Variants in RFX3 observed in about 807,000 individuals in gnomAD.
RFX3 encodes the protein transcription factor RFX3.
RFX3 carries 14 observed loss-of-function variants against 98.6 expected under a neutral mutation model. The observed-to-expected ratio is 0.14, with a 90% CI of 0.09 to 0.22. The LOEUF (loss-of-function observed/expected upper bound fraction) is 0.22, where lower values mean the gene tolerates loss of function less well. Among genes scored for constraint, RFX3 ranks in the 10% least tolerant of loss-of-function variants. The pLI is 1.00. For missense variants in RFX3, 639 were observed against 926.9 expected, an observed-to-expected ratio of 0.69 and a Z score of 4.03; for synonymous variants, 383 against 328.4, an observed-to-expected ratio of 1.17 and a Z score of -1.80.
intron 1 of RFX3, among the ~76,000 whole-genome samples, chr9:3,487,968 G>C (rs1850412198): frequency 6.6e-6 from 1 of 152,042 alleles, no homozygotes; most frequent in Non-Finnish European, 1.5e-5. Context: ...ACACACAAAA[G>C]AGCTTTGTAA....
chr9:3,461,583 T>G (rs1587746550), intron 1 of RFX3, among the ~76,000 whole-genome samples: 2 of 151,994 alleles, frequency 1.3e-5, no homozygotes, highest in East Asian at 3.8e-4. Context: ...AAAAAGAATT[T>G]TTTTAATTTA....
intron 2 of RFX3, among the ~76,000 whole-genome samples, chr9:3,381,279 A>G (rs184206988): frequency 2.6e-5 from 4 of 152,202 alleles, no homozygotes; most frequent in Admixed American, 2.6e-4. Flanking sequence ...TAATTATGTT[A>G]TTAATGGTCG....
chr9:3,449,198 C>A (rs1846335329), intron 1 of RFX3, among the ~76,000 whole-genome samples: 1 of 152,186 alleles, frequency 6.6e-6, no homozygotes, highest in African/African-American at 2.4e-5. Flanking sequence ...ACCTAGCATA[C>A]TGTAGACACT....
At chr9:3,229,820 T>C (rs1188746173) in intron 15 of RFX3, among the ~76,000 whole-genome samples, 3 of 152,144 alleles carry the variant, frequency 2.0e-5, no homozygotes, top group Non-Finnish European at 4.4e-5. Flanking sequence ...TTATAAAGAG[T>C]TCCATGATAG....
At chr9:3,351,786 C>A (rs1465560512) in intron 2 of RFX3, among the ~76,000 whole-genome samples, 1 of 151,520 alleles carries the variant, frequency 6.6e-6, no homozygotes. Context: ...TAAAAATTAC[C>A]AAAGGGATTA....
intron 1 of RFX3, among the ~76,000 whole-genome samples, chr9:3,504,928 TATATATA>T (rs1337405773): frequency 1.5e-5 from 1 of 66,308 alleles, no homozygotes; most frequent in Non-Finnish European, 2.3e-5. Flanking sequence ...TAACATATAT[TATATATA>T]ATATATATAA....
intron 1 of RFX3, among the ~76,000 whole-genome samples, chr9:3,504,960 T>C (rs1339106853): frequency 1.3e-5 from 1 of 79,040 alleles, no homozygotes; most frequent in Non-Finnish European, 2.2e-5. Flanking sequence ...ATATATATTA[T>C]ATATAATATA....
chr9:3,249,809 G>C (rs960949089), intron 14 of RFX3, among the ~76,000 whole-genome samples: 1 of 151,974 alleles, frequency 6.6e-6, no homozygotes, highest in African/African-American at 2.4e-5. Context: ...GAAATCTTAA[G>C]AAAACTGCCA....
At chr9:3,465,822 A>C (rs954085451) in intron 1 of RFX3, among the ~76,000 whole-genome samples, 2 of 152,158 alleles carry the variant, frequency 1.3e-5, no homozygotes, top group Non-Finnish European at 2.9e-5. Flanking sequence ...TGAAAAAAAG[A>C]AAAAGCAAAA....
intron 4 of RFX3, among the ~76,000 whole-genome samples, chr9:3,317,295 C>T (rs1830728872): frequency 1.3e-5 from 2 of 152,166 alleles, no homozygotes. Context: ...ATAAATGGTG[C>T]TGGGAAAACT....
chr9:3,348,486 G>C (rs986978725), intron 2 of RFX3, among the ~76,000 whole-genome samples: 1 of 151,134 alleles, frequency 6.6e-6, no homozygotes, highest in African/African-American at 2.4e-5. Flanking sequence ...AAATAATAAA[G>C]GTTGTAAACT....
intron 16 of RFX3, among the ~76,000 whole-genome samples, chr9:3,227,706 G>A (rs139206425): frequency 2.6e-5 from 4 of 152,176 alleles, no homozygotes; most frequent in East Asian, 1.9e-4. Context: ...TGTGGGACAC[G>A]GATATCAATT....
intron 7 of RFX3, among the ~76,000 whole-genome samples, chr9:3,281,006 AC>A (rs1825854808): frequency 6.6e-6 from 1 of 151,848 alleles, no homozygotes; most frequent in South Asian, 2.1e-4. Flanking sequence ...GTTTAAGGTA[AC>A]ATGCTTGATT....
At position 3,228,159 on chromosome 9, in the gene RFX3, CA is replaced by C. The variant is rs541348609; in HGVS notation, c.2011+687del. Among the ~76,000 whole-genome samples the C allele has an allele frequency of 1.4e-3, 218 of 152,262 alleles. 2 individuals carry two copies. Among genetic ancestry groups the C allele is most frequent in the African/African-American group, 5.2e-3 (214 of 41,542 alleles). The stretch of plus-strand genomic sequence containing the variant: ...TTAAAAATTGCACTGGTATATTTAT[CA>C]GTATTGTTTTGCTTCTGCTCTGCTT... On this transcript the variant is annotated intron_variant, in intron 16 of 16. Coordinates refer to ENST00000617270, the MANE Select transcript of RFX3 (RefSeq NM_001282116.2).
chr9:3,266,855 A>G (rs1823707216), intron 11 of RFX3, among the ~76,000 whole-genome samples: 1 of 151,980 alleles, frequency 6.6e-6, no homozygotes, highest in African/African-American at 2.4e-5. Context: ...CTGAATTGAA[A>G]TTTTTGGGCA....
intron 15 of RFX3, among the ~76,000 whole-genome samples, chr9:3,241,241 C>G (rs1438915552): frequency 1.3e-5 from 2 of 149,376 alleles, no homozygotes; most frequent in African/African-American, 2.5e-5. Context: ...TTTTTTTTGC[C>G]CAGAGTAAAG....
chr9:3,388,463 G>C (rs1192201633), intron 2 of RFX3, among the ~76,000 whole-genome samples: 4 of 152,194 alleles, frequency 2.6e-5, no homozygotes, highest in Non-Finnish European at 5.9e-5. Context: ...ATTTTATGTG[G>C]AAAGGCTAAA....
intron 1 of RFX3, among the ~76,000 whole-genome samples, chr9:3,431,551 T>A (rs1844658197): frequency 6.6e-6 from 1 of 152,184 alleles, no homozygotes; most frequent in Non-Finnish European, 1.5e-5. Flanking sequence ...CCCTTTTCTG[T>A]CATATTGAAA....
At chr9:3,397,276 A>T (rs1452487958) in intron 1 of RFX3, among the ~76,000 whole-genome samples, 1 of 152,214 alleles carries the variant, frequency 6.6e-6, no homozygotes, top group African/African-American at 2.4e-5. Context: ...CAAAGACCAG[A>T]TTTCTAGTTT....
Sources: gnomAD v4.1 joint callset for allele counts (sites outside exome capture counted in the v4.1 genomes callset) on GRCh38, gnomAD v4.1.1 for gene constraint, MANE v1.5 for transcripts, NCBI Gene and HGNC (gene_info 2026-07-23, HGNC 2026-07-21) for gene names.